MYL10: variants seen among roughly 807,000 people sequenced by gnomAD.
MYL10 encodes the protein myosin regulatory light chain 10.
Under a neutral mutation model 21.9 loss-of-function variants are expected in MYL10, and 18 were observed. The ratio of observed to expected loss-of-function variants is 0.82; its 90% CI spans 0.57 to 1.22. The LOEUF (loss-of-function observed/expected upper bound fraction) is 1.22. Among genes scored for constraint, MYL10 ranks in the 50% most tolerant of loss-of-function variants. The pLI is 0.00. For synonymous variants in MYL10, 88 were observed against 82.8 expected, an observed-to-expected ratio of 1.06 and a Z score of -0.34; for missense variants, 225 against 230.4, an observed-to-expected ratio of 0.98 and a Z score of 0.15.
At chr7:101,616,087 A>G (rs1277007094) in intron 6 of MYL10, 133 bp downstream of exon 6, 19 of 674,016 alleles carry the variant, frequency 2.8e-5, no homozygotes, top group African/African-American at 1.8e-5. Context: ...ACATCAAGCG[A>G]TATCACTGGG....
chr7:101,621,473 C>G (rs533654012), intron 5 of MYL10, among the ~76,000 whole-genome samples: 1 of 152,228 alleles, frequency 6.6e-6, no homozygotes, highest in Admixed American at 6.5e-5. Context: ...GCCTATACCC[C>G]CAGCCCCATG....
In MYL10 at chr7:101,629,186, G is replaced by A. The variant is rs1046534294; in HGVS notation, c.-68C>T. 2.9e-4 allele frequency: 96 copies of A among 330,544 alleles called. 1 individual carries two copies. Among genetic ancestry groups the A allele is most frequent in the Middle Eastern group, 2.9e-3 (5 of 1,744 alleles). The allele number at this position is 330,544 out of a possible 1,614,324, so 20.5% of individuals were successfully genotyped here. A position where few individuals can be genotyped will look rare whatever the true frequency, so the allele number is the denominator to read the frequency against. On this transcript the variant is annotated 5_prime_UTR_variant, in exon 1 of 8. Transcript: ENST00000223167. ...AATTAGTCAGGCATAGTGGTGAAGT[G>A]AAAAAGTTCCCTTATCCCGTTCATA...
At chr7:101,616,387 G>T in intron 5 of MYL10, 89 bp from the exon 6 acceptor site, 6 of 1,030,020 alleles carry the variant, frequency 5.8e-6, no homozygotes, top group Non-Finnish European at 9.0e-6. Flanking sequence ...GCTGGGGCTG[G>T]GGGCAAGTCC....
Position 101,613,435 on chromosome 7 carries a change from G to C in MYL10, c.*40C>G, listed in dbSNP as rs1233365947. On this transcript the variant is annotated 3_prime_UTR_variant, in exon 8 of 8. Coordinates refer to ENST00000223167, the MANE Select transcript of MYL10 (RefSeq NM_138403.5). ...GAGCTCCCTGTCACACCCCACAACAGTGTTTGCTGCCCCTGAATGTCGGGG... is the reference window on the plus strand; with the variant it reads ...GAGCTCCCTGTCACACCCCACAACACTGTTTGCTGCCCCTGAATGTCGGGG... The C allele has an allele frequency of 6.4e-7, 1 of 1,555,758 alleles. No individual in the cohort carries two copies. Among genetic ancestry groups the C allele is most frequent in the South Asian group, 1.1e-5 (1 of 90,026 alleles).
intron 7 of MYL10, 28 bp from the exon 8 acceptor site, chr7:101,613,601 A>G (rs762133316): frequency 1.2e-6 from 2 of 1,613,114 alleles, no homozygotes; most frequent in Admixed American, 3.3e-5. Context: ...GTCAGCCTGC[A>G]CCAGGCCAAG....
chr7:101,620,913 C>A (rs532199696), intron 5 of MYL10, among the ~76,000 whole-genome samples: 1 of 151,834 alleles, frequency 6.6e-6, no homozygotes, highest in African/African-American at 2.4e-5. Context: ...CTCAGCCTCC[C>A]GAGCAGCTGG....
chr7:101,623,066 T>A lies in MYL10; in HGVS notation c.280A>T (p.Thr94Ser). The change falls in exon 4 of 8, where the codon ACC becomes TCC. Residue 94 changes from threonine to serine, a missense_variant. By Grantham distance (58) the Thr-to-Ser change is moderately conservative. Coordinates refer to ENST00000223167, the MANE Select transcript of MYL10 (RefSeq NM_138403.5). ...CCATCACGGTTCTGGTCCATGATGG[T>A]GAAAGCCTGGCAGAGACACAGGTGC... ...NSPASASQAFTIMDQNRDGFI... is the reference protein window; with the variant it reads ...NSPASASQAFSIMDQNRDGFI... The A allele has an allele frequency of 6.2e-7, 1 of 1,613,736 alleles. No homozygotes were observed. The highest frequency in any genetic ancestry group is 8.5e-7 in the Non-Finnish European group (1 of 1,179,898).
intron 5 of MYL10, among the ~76,000 whole-genome samples, chr7:101,620,642 T>G (rs4602817): frequency 0.18 from 27,498 of 151,544 alleles, 2,818 homozygotes; most frequent in Non-Finnish European, 0.23. Flanking sequence ...AACCTAGGAG[T>G]CAATGGGAAG....
chr7:101,628,804 G>C (rs1796775226), intron 1 of MYL10, among the ~76,000 whole-genome samples: 1 of 152,234 alleles, frequency 6.6e-6, no homozygotes, highest in South Asian at 2.1e-4. Flanking sequence ...GCTGGCCTCA[G>C]GCCTTCAGCC....
intron 5 of MYL10, among the ~76,000 whole-genome samples, chr7:101,616,680 C>T (rs181397438): frequency 6.6e-6 from 1 of 152,188 alleles, no homozygotes; most frequent in Non-Finnish European, 1.5e-5. Context: ...AGCTGCATGA[C>T]CAGTGGTCTG....
intron 5 of MYL10, among the ~76,000 whole-genome samples, chr7:101,620,555 G>A (rs557842815): frequency 1.3e-5 from 2 of 152,244 alleles, no homozygotes; most frequent in Admixed American, 6.5e-5. Flanking sequence ...TGTTACAGCG[G>A]GCTCAGAAAA....
rs763128751 is a variant in MYL10 at position 101,622,207 on chromosome 7, G to A, written c.350-7C>T. ...TTCTTGACATTGATGCGGCCTGTGGGAGGTGAGAGGTGGGGGCAGGGAGGA... is the reference window on the plus strand; with the variant it reads ...TTCTTGACATTGATGCGGCCTGTGGAAGGTGAGAGGTGGGGGCAGGGAGGA... On this transcript the variant is annotated splice_region_variant and splice_polypyrimidine_tract_variant and intron_variant, in intron 4 of 7. Transcript: ENST00000223167. The A allele has an allele frequency of 2.5e-6, 4 of 1,606,876 alleles. No individual in the cohort carries two copies. The highest frequency in any genetic ancestry group is 2.2e-5 in the East Asian group (1 of 44,760).
At chr7:101,613,783 A>T in intron 6 of MYL10, 73 bp from the exon 7 acceptor site, 1 of 1,451,222 alleles carries the variant, frequency 6.9e-7, no homozygotes, top group South Asian at 1.1e-5. Flanking sequence ...CCCAGGGGTG[A>T]TGAGGGGCAA....
chr7:101,614,496 G>A (rs13226908), intron 6 of MYL10, among the ~76,000 whole-genome samples: 32,545 of 152,210 alleles, frequency 0.21, 3,626 homozygotes, highest in Non-Finnish European at 0.22. Context: ...TCCCAAGGCA[G>A]TGCCTTCAGT....
At chr7:101,622,626 G>A (rs1264856283) in intron 4 of MYL10, among the ~76,000 whole-genome samples, 3 of 152,108 alleles carry the variant, frequency 2.0e-5, no homozygotes, top group Non-Finnish European at 2.9e-5. Flanking sequence ...GGCGACTTCA[G>A]GCTCTTCCCT....
At chr7:101,626,747 C>T (rs1414930863) in intron 1 of MYL10, among the ~76,000 whole-genome samples, 1 of 152,220 alleles carries the variant, frequency 6.6e-6, no homozygotes, top group Admixed American at 6.5e-5. Flanking sequence ...CCTCGTCTCT[C>T]TCCACCCTCC....
intron 6 of MYL10, among the ~76,000 whole-genome samples, chr7:101,615,733 C>G (rs1402515040): frequency 7.0e-6 from 1 of 142,536 alleles, no homozygotes; most frequent in Admixed American, 7.4e-5. Flanking sequence ...CTCACTCTGT[C>G]GCCCAGTCTG....
chr7:101,620,029 C>T (rs575273861), intron 5 of MYL10, among the ~76,000 whole-genome samples: 7 of 152,030 alleles, frequency 4.6e-5, no homozygotes, highest in East Asian at 3.9e-4. Flanking sequence ...CTGAATCCAA[C>T]GGCAGGTAGA....
intron 4 of MYL10, 130 bp from the exon 5 acceptor site, chr7:101,622,330 T>C: frequency 1.6e-6 from 1 of 616,332 alleles, no homozygotes; most frequent in Non-Finnish European, 2.7e-6. Context: ...CCTGACGCCT[T>C]TTTGGGGGAC....
Sources: allele counts gnomAD v4.1 joint callset (sites outside exome capture counted in the v4.1 genomes callset), GRCh38; gene constraint gnomAD v4.1.1; transcripts MANE v1.5; gene names NCBI Gene and HGNC (gene_info 2026-07-23, HGNC 2026-07-21).